Variants in KLHL29 observed in about 807,000 individuals in gnomAD.
KLHL29 encodes kelch-like protein 29.
In KLHL29, 21 loss-of-function variants were observed where a neutral mutation model predicts 80.4. The ratio of observed to expected loss-of-function variants is 0.26; its 90% confidence interval spans 0.19 to 0.38. The LOEUF (loss-of-function observed/expected upper bound fraction) is 0.38, where lower values mean the gene tolerates loss of function less well. Among genes scored for constraint, KLHL29 ranks in the 10% least tolerant of loss-of-function variants. KLHL29 has a pLI of 1.00. For missense variants in KLHL29, 867 were observed against 1,223.9 expected, an observed-to-expected ratio of 0.71 and a Z score of 4.35; for synonymous variants, 511 against 526.8, an observed-to-expected ratio of 0.97 and a Z score of 0.41.
chr2:23,643,897 C>A (rs964888256), intron 5 of KLHL29: 2 of 152,264 alleles, frequency 1.3e-5, no homozygotes, highest in Non-Finnish European at 2.9e-5. Context: ...TCTCTGGGCA[C>A]AACTTCCCAG....
At chr2:23,524,784 A>T (rs1205315349) in intron 2 of KLHL29, among the ~76,000 whole-genome samples, 2 of 152,252 alleles carry the variant, frequency 1.3e-5, no homozygotes, top group Non-Finnish European at 2.9e-5. Flanking sequence ...AGCAGAACAC[A>T]TTTGGTATGA....
At chr2:23,597,202 G>A (rs562132038) in intron 3 of KLHL29, among the ~76,000 whole-genome samples, 17 of 151,308 alleles carry the variant, frequency 1.1e-4, no homozygotes, top group African/African-American at 3.9e-4. Context: ...TCTCTGGGAA[G>A]AGTCTGATGA....
intron 3 of KLHL29, among the ~76,000 whole-genome samples, chr2:23,600,299 A>G (rs1005009928): frequency 6.6e-6 from 1 of 152,228 alleles, no homozygotes; most frequent in Non-Finnish European, 1.5e-5. Context: ...TCTGGACAAC[A>G]TGGTATCCTT....
chr2:23,563,720 G>A (rs1667511893), intron 3 of KLHL29, among the ~76,000 whole-genome samples: 1 of 152,216 alleles, frequency 6.6e-6, no homozygotes, highest in Non-Finnish European at 1.5e-5. Flanking sequence ...AGTGTTGCCG[G>A]CCACAGAGCC....
intron 3 of KLHL29, chr2:23,617,935 T>C (rs11694227): frequency 0.56 from 84,618 of 152,044 alleles, 24,160 homozygotes; most frequent in East Asian, 0.92. Flanking sequence ...GAAGACGGCG[T>C]CCGTTGTCAT....
chr2:23,465,293 A>T (rs1346323167), intron 1 of KLHL29, among the ~76,000 whole-genome samples: 1 of 152,192 alleles, frequency 6.6e-6, no homozygotes, highest in Non-Finnish European at 1.5e-5. Context: ...AGCAAACAGG[A>T]GGCTGTCAGT....
At chr2:23,675,473 G>A (rs1458741843) in intron 5 of KLHL29, among the ~76,000 whole-genome samples, 1 of 152,200 alleles carries the variant, frequency 6.6e-6, no homozygotes, top group Non-Finnish European at 1.5e-5. Flanking sequence ...AGCCCACAAG[G>A]CATGAACTGT....
At chr2:23,558,960 T>C (rs1317932792) in intron 2 of KLHL29, among the ~76,000 whole-genome samples, 2 of 152,248 alleles carry the variant, frequency 1.3e-5, no homozygotes, top group Non-Finnish European at 2.9e-5. Context: ...GTTCTCAAGG[T>C]AGCAGATAGA....
chr2:23,652,759 CACTTAA>C (rs1418910863), intron 5 of KLHL29, among the ~76,000 whole-genome samples: 3 of 152,206 alleles, frequency 2.0e-5, no homozygotes, highest in Non-Finnish European at 4.4e-5. Context: ...TATGAATATA[CACTTAA>C]ACTTCCAAAT....
intron 11 of KLHL29, among the ~76,000 whole-genome samples, chr2:23,702,504 T>C (rs1188207451): frequency 6.6e-6 from 1 of 152,160 alleles, no homozygotes; most frequent in Non-Finnish European, 1.5e-5. Context: ...AATGCCACCT[T>C]TGCCTACTGC....
intron 1 of KLHL29, among the ~76,000 whole-genome samples, chr2:23,403,724 A>AGT (rs1351270818): frequency 0.012 from 1,639 of 140,166 alleles, 7 homozygotes; most frequent in Non-Finnish European, 0.015. Flanking sequence ...AGAGAGAGAG[A>AGT]GAGTGTGTGT....
chr2:23,602,179 G>T (rs995898966), intron 3 of KLHL29, among the ~76,000 whole-genome samples: 14 of 152,144 alleles, frequency 9.2e-5, no homozygotes, highest in Admixed American at 9.2e-4. Context: ...AGAGTGTAGG[G>T]CCTTTTCATC....
intron 1 of KLHL29, among the ~76,000 whole-genome samples, chr2:23,470,476 C>T (rs921157628): frequency 6.6e-6 from 1 of 152,220 alleles, no homozygotes; most frequent in Non-Finnish European, 1.5e-5. Flanking sequence ...CCATGAGCCT[C>T]TGTTCCCTCA....
intron 11 of KLHL29, among the ~76,000 whole-genome samples, chr2:23,699,611 T>TATCA (rs1479706054): frequency 4.6e-4 from 70 of 152,336 alleles, no homozygotes; most frequent in African/African-American, 1.6e-3. Flanking sequence ...ACTCATGTTC[T>TATCA]ATCACTTCAT....
At chr2:23,603,454 G>T (rs888977662) in intron 3 of KLHL29, among the ~76,000 whole-genome samples, 3 of 152,162 alleles carry the variant, frequency 2.0e-5, no homozygotes, top group African/African-American at 4.8e-5. Context: ...CTGTGTCTCG[G>T]GACAAAAATC....
At chr2:23,427,444 T>C (rs1663033802) in intron 1 of KLHL29, among the ~76,000 whole-genome samples, 1 of 152,190 alleles carries the variant, frequency 6.6e-6, no homozygotes, top group Non-Finnish European at 1.5e-5. Flanking sequence ...AAATAACATT[T>C]TTTAAAACTT....
intron 1 of KLHL29, among the ~76,000 whole-genome samples, chr2:23,435,955 C>G (rs1221957640): frequency 6.7e-6 from 1 of 148,706 alleles, no homozygotes; most frequent in African/African-American, 2.5e-5. Flanking sequence ...TGGCTCTTCC[C>G]TTCTTTGCTT....
At chr2:23,655,841 A>C (rs1670230069) in intron 5 of KLHL29, among the ~76,000 whole-genome samples, 2 of 152,134 alleles carry the variant, frequency 1.3e-5, no homozygotes, top group Non-Finnish European at 2.9e-5. Flanking sequence ...GAGTGAGTGC[A>C]GTCAGTGAGC....
At chr2:23,613,785 A>AAAAAAAAAAAAAAAAAC (rs1558408724) in intron 3 of KLHL29, among the ~76,000 whole-genome samples, 1 of 146,578 alleles carries the variant, frequency 6.8e-6, no homozygotes, top group African/African-American at 2.6e-5. Context: ...AAAAAAAAAA[A>AAAAAAAAAAAAAAAAAC]AAAAACCCAC....
Sources: gnomAD v4.1 joint callset for allele counts (sites outside exome capture counted in the v4.1 genomes callset) on GRCh38, gnomAD v4.1.1 for gene constraint, MANE v1.5 for transcripts, NCBI Gene and HGNC (gene_info 2026-07-23, HGNC 2026-07-21) for gene names.